ATP7A: variants seen among roughly 807,000 people sequenced by gnomAD.
ATP7A encodes the protein ATPase copper transporting alpha, also known as copper-transporting ATPase 1.
Under a neutral mutation model 83.5 loss-of-function variants are expected in ATP7A, and 7 were observed. The observed-to-expected ratio is 0.08, with a 90% confidence interval of 0.05 to 0.16. ATP7A has a LOEUF of 0.16. Ranked by LOEUF, ATP7A falls within the 10% of genes least tolerant of loss-of-function variation. The pLI, the probability that ATP7A is intolerant of heterozygous loss-of-function variation, is 1.00. For missense variants in ATP7A, 940 were observed against 1,120.8 expected (o/e 0.84, Z 2.30); for synonymous variants, 354 against 395.2 (o/e 0.90, Z 1.24).
intron 21 of ATP7A, 110 bp downstream of exon 21, chrX:78,043,544 C>T: frequency 3.3e-6 from 2 of 603,569 alleles, no homozygotes; most frequent in Middle Eastern, 3.5e-4. Context: ...TTGTTTGTAG[C>T]CTACTGGTAT....
rs2077156148 is a variant in ATP7A, at chrX:77,910,819, T to A, written c.-38T>A. On this transcript the variant is annotated 5_prime_UTR_variant, in exon 1 of 23. Coordinates refer to ENST00000341514, the MANE Select transcript of ATP7A (RefSeq NM_000052.7). ...CTGCGTAGCTCCAGAGGTTTAACCA[T>A]AGGATAGAGAAACCAGGTAAGTCCT... is the stretch of plus-strand genomic sequence containing the variant. 1 of 112,184 alleles carries A rather than the reference T, an allele frequency of 8.9e-6. No individual in the cohort carries two copies. Among genetic ancestry groups the A allele is most frequent in the South Asian group, 3.6e-4 (1 of 2,740 alleles). The allele number at this position is 112,184 out of a possible 1,213,427, so 9.2% of individuals were successfully genotyped here. A position where few individuals can be genotyped will look rare whatever the true frequency, so the allele number is the denominator to read the frequency against.
At chrX:77,994,062 T>TTTA (rs1223545122) in intron 4 of ATP7A, among the ~76,000 whole-genome samples, 27 of 110,078 alleles carry the variant, frequency 2.5e-4, no homozygotes, top group South Asian at 3.9e-4. Context: ...TAGCTAGCAT[T>TTTA]TTATTATTAT....
chrX:78,040,532 A>G, intron 18 of ATP7A, 59 bp from the exon 19 acceptor site: 1 of 1,170,221 alleles, frequency 8.5e-7, no homozygotes, highest in East Asian at 3.0e-5. Flanking sequence ...TCAAGTCAAA[A>G]TGTTATTCTC....
chrX:77,915,426 C>T (rs2077180149), intron 1 of ATP7A, among the ~76,000 whole-genome samples: 1 of 110,587 alleles, frequency 9.0e-6, no homozygotes, highest in African/African-American at 3.3e-5. Context: ...TGACCCTGCG[C>T]AGATTTCATA....
At chrX:77,932,238 G>A (rs1480257671) in intron 1 of ATP7A, among the ~76,000 whole-genome samples, 8 of 109,991 alleles carry the variant, frequency 7.3e-5, no homozygotes, top group Non-Finnish European at 1.1e-4. Context: ...GGTCGCGGCC[G>A]GGCAGAGGCG....
chrX:77,994,591 G>C (rs969688406), intron 4 of ATP7A, among the ~76,000 whole-genome samples: 37 of 110,434 alleles, frequency 3.4e-4, no homozygotes, highest in African/African-American at 1.2e-3. Flanking sequence ...CCAGGCCGGA[G>C]TGCAGTGGCA....
chrX:77,932,921 G>A (rs905039857), intron 1 of ATP7A, among the ~76,000 whole-genome samples: 2 of 99,903 alleles, frequency 2.0e-5, no homozygotes, highest in Admixed American at 2.0e-4. Flanking sequence ...GGGACCGTGG[G>A]GAGAGGGAGA....
intron 1 of ATP7A, among the ~76,000 whole-genome samples, chrX:77,959,151 CT>C (rs1181094768): frequency 1.8e-5 from 2 of 110,047 alleles, no homozygotes; most frequent in Non-Finnish European, 3.8e-5. Context: ...TCCTAAGTAT[CT>C]TTTTTTTATG....
intron 1 of ATP7A, among the ~76,000 whole-genome samples, chrX:77,926,337 T>G (rs1313829055): frequency 9.0e-6 from 1 of 111,420 alleles, no homozygotes; most frequent in Non-Finnish European, 1.9e-5. Context: ...CTAGTCAATA[T>G]TTATTTATTT....
At position 78,000,624 on chromosome X, in the gene ATP7A, T is replaced by C. The variant is rs782490829; in HGVS notation, c.1543+1940T>C. 3.7e-5 allele frequency among the ~76,000 whole-genome samples: 4 copies of C among 107,094 alleles called. No individual in the cohort carries two copies. The East Asian group carries it at 1.1e-3, about 30-fold the overall frequency. 93.0% of individuals were successfully genotyped at this position (107,094 alleles called of 115,157 possible). On this transcript the variant is annotated intron_variant, in intron 5 of 22. Coordinates refer to ENST00000341514, the MANE Select transcript of ATP7A (RefSeq NM_000052.7). ...TATATATATTTTATAATATATGTTATATATAAATATATAAATGTATATTAA... is the reference window on the plus strand; with the variant it reads ...TATATATATTTTATAATATATGTTACATATAAATATATAAATGTATATTAA...
At chrX:77,983,218 C>T (rs782277821) in intron 2 of ATP7A, among the ~76,000 whole-genome samples, 4 of 112,057 alleles carry the variant, frequency 3.6e-5, no homozygotes, top group Non-Finnish European at 7.5e-5. Flanking sequence ...GAAGAGAAAA[C>T]ATGTACTGAT....
At chrX:78,006,848 C>T in intron 6 of ATP7A, among the ~76,000 whole-genome samples, 1 of 112,041 alleles carries the variant, frequency 8.9e-6, no homozygotes, top group Non-Finnish European at 1.9e-5. Flanking sequence ...CTTTTTATTG[C>T]CAAATAATAT....
chrX:77,979,346 T>G (rs2149077886), intron 2 of ATP7A, among the ~76,000 whole-genome samples: 1 of 111,611 alleles, frequency 9.0e-6, no homozygotes, highest in African/African-American at 3.3e-5. Flanking sequence ...AACATGATCA[T>G]ACATAAATAT....
intron 1 of ATP7A, among the ~76,000 whole-genome samples, chrX:77,953,622 C>T (rs1557227031): frequency 1.8e-5 from 2 of 112,316 alleles, no homozygotes; most frequent in African/African-American, 3.2e-5. Context: ...TGCTTAGCCC[C>T]TGTTGGAAAG....
At chrX:78,036,509 G>T (rs2078014343) in intron 17 of ATP7A, among the ~76,000 whole-genome samples, 1 of 111,512 alleles carries the variant, frequency 9.0e-6, no homozygotes, top group Admixed American at 9.6e-5. Flanking sequence ...AGGTCAGAGA[G>T]GTGGTTTGGG....
At chrX:77,918,896 G>T (rs868924280) in intron 1 of ATP7A, among the ~76,000 whole-genome samples, 5 of 111,302 alleles carry the variant, frequency 4.5e-5, no homozygotes, top group Admixed American at 9.6e-5. Context: ...GTCCCAACAC[G>T]TTTATCATTT....
chrX:78,018,284 C>T (rs1557235401), intron 12 of ATP7A, among the ~76,000 whole-genome samples: 1 of 107,856 alleles, frequency 9.3e-6, no homozygotes, highest in Non-Finnish European at 1.9e-5. Flanking sequence ...GCTGGTGGAT[C>T]GCTTAAGGTC....
chrX:78,014,673 A>G lies in ATP7A; in HGVS notation c.2418A>G (p.Ser806=). Residue 806 remains serine (S), a synonymous_variant, in exon 11 of 23, where the codon TCA becomes TCG. Coordinates refer to ENST00000341514, the MANE Select transcript of ATP7A (RefSeq NM_000052.7). ...WLEHIAKGKT[S]EALAKLISLQ... ...GTTTTAATTTATAGGGCAAAACATCAGAGGCTCTTGCAAAGTTAATTTCAC... is the reference window on the plus strand; with the variant it reads ...GTTTTAATTTATAGGGCAAAACATCGGAGGCTCTTGCAAAGTTAATTTCAC... The G allele has an allele frequency of 2.5e-6, 3 of 1,207,592 alleles. No individual in the cohort carries two copies. Among genetic ancestry groups the G allele is most frequent in the Non-Finnish European group, 2.2e-6 (2 of 892,168 alleles).
At chrX:78,040,078 C>A (rs1316590630) in intron 18 of ATP7A, among the ~76,000 whole-genome samples, 1 of 110,830 alleles carries the variant, frequency 9.0e-6, no homozygotes, top group East Asian at 2.8e-4. Flanking sequence ...TTTACTATGG[C>A]CTTTTTAGGT....
Sources: allele counts gnomAD v4.1 joint callset (sites outside exome capture counted in the v4.1 genomes callset), GRCh38; gene constraint gnomAD v4.1.1; transcripts MANE v1.5; gene names NCBI Gene and HGNC (gene_info 2026-07-23, HGNC 2026-07-21).